Variants in PLXDC2 observed in about 807,000 individuals in gnomAD.
PLXDC2 encodes plexin domain-containing protein 2.
A neutral mutation model predicts 68.9 loss-of-function variants in PLXDC2; 40 were observed. That is an observed-to-expected ratio of 0.58 (90% CI 0.45 to 0.76). The LOEUF is 0.76. Ranked by LOEUF, PLXDC2 falls within the 30% of genes least tolerant of loss-of-function variation. The probability of loss-of-function intolerance (pLI) is 0.00; values close to 1 mark genes in which losing one functional copy is unlikely to be tolerated. For missense variants in PLXDC2, 644 were observed against 661.9 expected (o/e 0.97, Z 0.30); for synonymous variants, 243 against 234.2 (o/e 1.04, Z -0.34).
At chr10:19,850,686 C>T (rs1349997805) in intron 1 of PLXDC2, among the ~76,000 whole-genome samples, 2 of 152,120 alleles carry the variant, frequency 1.3e-5, no homozygotes, top group East Asian at 3.8e-4. Context: ...CCAAAATATG[C>T]ATTTTAAATA....
intron 2 of PLXDC2, among the ~76,000 whole-genome samples, chr10:20,009,494 T>C (rs1835075560): frequency 6.6e-6 from 1 of 152,048 alleles, no homozygotes; most frequent in South Asian, 2.1e-4. Context: ...GAAGTGCACA[T>C]CTTGGACCTC....
intron 5 of PLXDC2, among the ~76,000 whole-genome samples, chr10:20,145,197 C>T (rs1325157677): frequency 6.6e-6 from 1 of 151,930 alleles, no homozygotes. Flanking sequence ...TATTGTTTAC[C>T]CACTGAAATA....
intron 2 of PLXDC2, among the ~76,000 whole-genome samples, chr10:20,010,616 CTTATAG>C (rs1835096252): frequency 6.6e-6 from 1 of 152,126 alleles, no homozygotes; most frequent in South Asian, 2.1e-4. Context: ...ATTGAGTTTA[CTTATAG>C]TTATGGCATG....
chr10:20,049,725 G>GA (rs975527168), intron 3 of PLXDC2, among the ~76,000 whole-genome samples: 63 of 151,664 alleles, frequency 4.2e-4, no homozygotes, highest in Non-Finnish European at 7.2e-4. Context: ...CAAACAAATG[G>GA]AAAAAAACAT....
intron 1 of PLXDC2, among the ~76,000 whole-genome samples, chr10:19,886,950 A>G (rs770418033): frequency 6.6e-6 from 1 of 152,156 alleles, no homozygotes; most frequent in African/African-American, 2.4e-5. Flanking sequence ...CCTCTGGACA[A>G]TTTCACTGTA....
intron 11 of PLXDC2, 130 bp downstream of exon 11, chr10:20,217,706 G>A: frequency 8.6e-7 from 1 of 1,158,152 alleles, no homozygotes; most frequent in Non-Finnish European, 1.1e-6. Context: ...TTATTCTTTG[G>A]CAAACTGGAT....
At chr10:20,041,997 G>A (rs894360080) in intron 2 of PLXDC2, among the ~76,000 whole-genome samples, 2 of 152,136 alleles carry the variant, frequency 1.3e-5, no homozygotes, top group Non-Finnish European at 2.9e-5. Flanking sequence ...GGCACACTGG[G>A]CATTGGGGCT....
intron 1 of PLXDC2, among the ~76,000 whole-genome samples, chr10:19,865,768 G>C (rs1358578762): frequency 2.0e-5 from 3 of 152,114 alleles, no homozygotes; most frequent in Non-Finnish European, 4.4e-5. Context: ...GCATAAAGTT[G>C]GTTTTCACAG....
intron 2 of PLXDC2, among the ~76,000 whole-genome samples, chr10:20,012,077 A>T (rs549643108): frequency 3.1e-4 from 47 of 152,268 alleles, no homozygotes; most frequent in Non-Finnish European, 6.0e-4. Flanking sequence ...TGTGACTTAG[A>T]TGGAAACACT....
chr10:19,889,713 CT>C lies in PLXDC2; in HGVS notation c.112+72524del, dbSNP rs146235967. On this transcript the variant is annotated intron_variant, in intron 1 of 13. Transcript: ENST00000377252. ...TTTAAGAGATAGTGTGTTTCTTGGC[CT>C]TAATTTTAGACATCCACAGGCAGGA... 4.8e-3 allele frequency among the ~76,000 whole-genome samples: 725 copies of C among 152,212 alleles called. 6 individuals carry two copies. Among genetic ancestry groups the C allele is most frequent in the African/African-American group, 0.017 (700 of 41,524 alleles).
At chr10:19,851,096 AG>A (rs1837109076) in intron 1 of PLXDC2, among the ~76,000 whole-genome samples, 1 of 152,170 alleles carries the variant, frequency 6.6e-6, no homozygotes, top group Admixed American at 6.6e-5. Flanking sequence ...GACATTGATA[AG>A]GGTAATAAAT....
intron 2 of PLXDC2, among the ~76,000 whole-genome samples, chr10:20,005,434 T>A (rs1387411433): frequency 6.6e-6 from 1 of 152,190 alleles, no homozygotes; most frequent in Non-Finnish European, 1.5e-5. Flanking sequence ...GAAACAAAAA[T>A]CTACCTCTGA....
intron 12 of PLXDC2, among the ~76,000 whole-genome samples, chr10:20,238,696 C>CACATATATGTGTACATATAT (rs1554777593): frequency 8.8e-6 from 1 of 113,260 alleles, no homozygotes; most frequent in African/African-American, 3.5e-5. Flanking sequence ...TATATATACA[C>CACATATATGTGTACATATAT]ACATATATAT....
chr10:19,824,094 G>T (rs1282434014), intron 1 of PLXDC2, among the ~76,000 whole-genome samples: 2 of 152,168 alleles, frequency 1.3e-5, no homozygotes, highest in African/African-American at 4.8e-5. Context: ...CACGGTGTCT[G>T]CTCCCCAAGA....
At position 19,896,235 on chromosome 10, in the gene PLXDC2, AC is replaced by A. The variant is rs530625378; in HGVS notation, c.112+79045del. 5.3e-5 allele frequency among the ~76,000 whole-genome samples: 8 copies of A among 152,330 alleles called. No homozygotes were observed. In the East Asian group the frequency reaches 1.5e-3, roughly 29 times the overall value. On this transcript the variant is annotated intron_variant, in intron 1 of 13. Coordinates refer to ENST00000377252, the MANE Select transcript of PLXDC2 (RefSeq NM_032812.9). ...TGCAAACACAGCCTTGGCTTTGTAC[AC>A]ACAACCTTAGCTTTGCACACACATG...
At chr10:20,227,659 G>T (rs1400898783) in intron 12 of PLXDC2, among the ~76,000 whole-genome samples, 1 of 152,116 alleles carries the variant, frequency 6.6e-6, no homozygotes, top group Non-Finnish European at 1.5e-5. Flanking sequence ...AGTCTTTTAC[G>T]CCAGGCAATG....
intron 3 of PLXDC2, 117 bp from the exon 4 acceptor site, chr10:20,068,053 T>C (rs1467271765): frequency 1.2e-6 from 1 of 822,242 alleles, no homozygotes; most frequent in African/African-American, 1.7e-5. Flanking sequence ...AAAAGAGAAC[T>C]ACAATAATTA....
intron 13 of PLXDC2, among the ~76,000 whole-genome samples, chr10:20,268,783 G>T (rs1835900796): frequency 6.6e-6 from 1 of 152,174 alleles, no homozygotes; most frequent in South Asian, 2.1e-4. Flanking sequence ...ACTTTCATTA[G>T]AATATTTATG....
At chr10:19,860,832 G>A (rs1380176920) in intron 1 of PLXDC2, among the ~76,000 whole-genome samples, 3 of 152,104 alleles carry the variant, frequency 2.0e-5, no homozygotes, top group Non-Finnish European at 4.4e-5. Context: ...ATAGTCTTCA[G>A]TACCAGAGAA....
Sources: gnomAD v4.1 joint callset for allele counts (sites outside exome capture counted in the v4.1 genomes callset) on GRCh38, gnomAD v4.1.1 for gene constraint, MANE v1.5 for transcripts, NCBI Gene and HGNC (gene_info 2026-07-23, HGNC 2026-07-21) for gene names.